HS3ST4: variants seen among roughly 807,000 people sequenced by gnomAD.
HS3ST4 encodes the protein heparan sulfate glucosamine 3-O-sulfotransferase 4.
HS3ST4 carries 17 observed loss-of-function variants against 29.2 expected under a neutral mutation model. The ratio of observed to expected loss-of-function variants is 0.58; its 90% CI spans 0.40 to 0.87. HS3ST4 has a LOEUF of 0.87. Ranked by LOEUF, HS3ST4 falls within the 40% of genes least tolerant of loss-of-function variation. The pLI, the probability that HS3ST4 is intolerant of heterozygous loss-of-function variation, is 0.00. For synonymous variants in HS3ST4, 314 were observed against 285.7 expected (o/e 1.10, Z -1.00); for missense variants, 627 against 634.5 (o/e 0.99, Z 0.13).
intron 1 of HS3ST4, chr16:25,825,999 A>G (rs936564292): frequency 6.6e-6 from 1 of 152,226 alleles, no homozygotes; most frequent in Admixed American, 6.5e-5. Flanking sequence ...TTTTCCTGGG[A>G]TATTTCATCA....
chr16:26,002,712 G>A lies in HS3ST4; in HGVS notation c.735-132900G>A, dbSNP rs1457554590. Among the ~76,000 whole-genome samples the A allele has an allele frequency of 2.4e-5, 3 of 125,114 alleles. No individual in the cohort carries two copies. The Admixed American group carries it at 2.7e-4, about 11-fold the overall frequency. 82.1% of individuals were successfully genotyped at this position (125,114 alleles called of 152,430 possible). ...AAAAAGAAGGAAGGAAGAAGGGAAG[G>A]AAGGAAGGGAGGGAGGGAGGGAGAG... On this transcript the variant is annotated intron_variant, in intron 1 of 1. Transcript: ENST00000331351.
intron 1 of HS3ST4, among the ~76,000 whole-genome samples, chr16:25,937,435 G>A (rs920500798): frequency 5.9e-5 from 9 of 152,072 alleles, no homozygotes; most frequent in African/African-American, 2.2e-4. Context: ...TAAATAAAGG[G>A]ACTCCTACGT....
intron 1 of HS3ST4, among the ~76,000 whole-genome samples, chr16:25,938,602 A>G (rs1224108520): frequency 6.6e-6 from 1 of 152,090 alleles, no homozygotes. Context: ...TTAAAAAAAA[A>G]AAGGAGAAGA....
chr16:25,737,787 C>T (rs993458457), intron 1 of HS3ST4, among the ~76,000 whole-genome samples: 6 of 152,146 alleles, frequency 3.9e-5, no homozygotes, highest in Non-Finnish European at 8.8e-5. Context: ...AGGCAATTTG[C>T]CCACCTCCCT....
At chr16:25,693,608 G>A (rs182919596) in intron 1 of HS3ST4, among the ~76,000 whole-genome samples, 1 of 152,322 alleles carries the variant, frequency 6.6e-6, no homozygotes, top group African/African-American at 2.4e-5. Context: ...CATTTGCGTG[G>A]CTGGAATTCA....
chr16:25,862,557 G>T (rs1205271412), intron 1 of HS3ST4, among the ~76,000 whole-genome samples: 4 of 152,170 alleles, frequency 2.6e-5, no homozygotes, highest in African/African-American at 7.2e-5. Context: ...AGTAATGCTC[G>T]CTCGTGCTCA....
chr16:25,889,643 G>A (rs1240322311), intron 1 of HS3ST4, among the ~76,000 whole-genome samples: 1 of 152,074 alleles, frequency 6.6e-6, no homozygotes, highest in Non-Finnish European at 1.5e-5. Flanking sequence ...GTTTAGCAAG[G>A]ACCCACGCTG....
rs556527489 is a variant in HS3ST4 at position 25,767,476 on chromosome 16, C to T, written c.734+74325C>T. 2.0e-5 allele frequency among the ~76,000 whole-genome samples: 3 copies of T among 152,268 alleles called. No individual in the cohort carries two copies. In the South Asian group the frequency reaches 6.2e-4, roughly 32 times the overall value. ...AGTTTCCATGGGAGGTGGGGGGTGA[C>T]AGTCCTCAGTATTGTCAAAACTTCT... On this transcript the variant is annotated intron_variant, in intron 1 of 1. Coordinates refer to ENST00000331351, the MANE Select transcript of HS3ST4 (RefSeq NM_006040.3).
intron 1 of HS3ST4, among the ~76,000 whole-genome samples, chr16:25,862,148 A>AT (rs1012465001): frequency 1.3e-5 from 2 of 148,172 alleles, no homozygotes; most frequent in African/African-American, 5.0e-5. Flanking sequence ...TCCTATGAGA[A>AT]TTTTATTTAT....
chr16:26,044,947 A>T (rs573740129), intron 1 of HS3ST4, among the ~76,000 whole-genome samples: 10 of 152,286 alleles, frequency 6.6e-5, no homozygotes, highest in African/African-American at 2.4e-4. Flanking sequence ...GACAGGATTG[A>T]TTGCTGACCA....
chr16:25,795,790 T>C (rs1966883019), intron 1 of HS3ST4, among the ~76,000 whole-genome samples: 1 of 152,144 alleles, frequency 6.6e-6, no homozygotes, highest in Non-Finnish European at 1.5e-5. Flanking sequence ...GCATTCTTTG[T>C]GTGGCTCAGT....
chr16:25,924,351 C>T (rs1968383101), intron 1 of HS3ST4, among the ~76,000 whole-genome samples: 1 of 152,162 alleles, frequency 6.6e-6, no homozygotes, highest in Admixed American at 6.5e-5. Context: ...AAGATGGAAA[C>T]AGCCTTTCAT....
rs150423090 is a variant in HS3ST4, at chr16:25,976,637, C to T, written c.735-158975C>T. ...CTTCTATCCACAGCTCTGCTGCATA[C>T]CAGCTGGGTAAACTAGGCCACAGAG... On this transcript the variant is annotated intron_variant, in intron 1 of 1. Coordinates refer to ENST00000331351, the MANE Select transcript of HS3ST4 (RefSeq NM_006040.3). 6.2e-3 allele frequency among the ~76,000 whole-genome samples: 940 copies of T among 152,302 alleles called. 11 individuals carry two copies. Among genetic ancestry groups the T allele is most frequent in the African/African-American group, 0.021 (892 of 41,558 alleles).
chr16:25,829,941 A>G (rs1967276373), intron 1 of HS3ST4, among the ~76,000 whole-genome samples: 1 of 152,162 alleles, frequency 6.6e-6, no homozygotes, highest in Non-Finnish European at 1.5e-5. Flanking sequence ...CTCCCACCTC[A>G]GCCTCCCAAG....
chr16:25,696,538 G>A (rs2943330), intron 1 of HS3ST4, among the ~76,000 whole-genome samples: 75,303 of 151,188 alleles, frequency 0.5, 19,268 homozygotes, highest in Admixed American at 0.58. Context: ...TTGCTCTGTC[G>A]CCCAGGCTGG....
intron 1 of HS3ST4, among the ~76,000 whole-genome samples, chr16:25,735,548 C>T (rs138344559): frequency 2.3e-4 from 35 of 152,202 alleles, no homozygotes; most frequent in African/African-American, 6.3e-4. Flanking sequence ...ACTACCACAA[C>T]GGGCCCATTT....
intron 1 of HS3ST4, among the ~76,000 whole-genome samples, chr16:26,045,005 A>T (rs1265882774): frequency 1.3e-5 from 2 of 152,202 alleles, no homozygotes; most frequent in African/African-American, 4.8e-5. Context: ...CCGTCTGTGC[A>T]ACCATGATCC....
At chr16:25,760,445 A>G (rs896971515) in intron 1 of HS3ST4, among the ~76,000 whole-genome samples, 1 of 134,638 alleles carries the variant, frequency 7.4e-6, no homozygotes, top group African/African-American at 2.8e-5. Flanking sequence ...TTTTGATGGA[A>G]TTTCACTCTG....
intron 1 of HS3ST4, among the ~76,000 whole-genome samples, chr16:25,875,240 T>A (rs1967817572): frequency 6.6e-6 from 1 of 152,182 alleles, no homozygotes; most frequent in South Asian, 2.1e-4. Context: ...TCCTGTTACT[T>A]GTATACCTGG....
Sources: allele counts gnomAD v4.1 joint callset (sites outside exome capture counted in the v4.1 genomes callset), GRCh38; gene constraint gnomAD v4.1.1; transcripts MANE v1.5; gene names NCBI Gene and HGNC (gene_info 2026-07-23, HGNC 2026-07-21).